CYB5R1: variants seen among roughly 807,000 people sequenced by gnomAD.
The protein encoded by CYB5R1 is cytochrome b5 reductase 1.
A neutral mutation model predicts 37.4 loss-of-function variants in CYB5R1; 32 were observed. That is an observed-to-expected ratio of 0.86 (90% CI 0.65 to 1.15). The LOEUF (loss-of-function observed/expected upper bound fraction) is 1.15. CYB5R1 is among the 50% of genes most tolerant of loss of function. The pLI is 0.00. For missense variants in CYB5R1, 345 were observed against 382.5 expected (o/e 0.90, Z 0.82); for synonymous variants, 159 against 155.2 (o/e 1.02, Z -0.18).
rs756594390 is a variant in CYB5R1, at chr1:202,963,148, G to C, written c.663C>G (p.Ile221Met). 9 of 1,613,866 alleles carry C rather than the reference G, an allele frequency of 5.6e-6. No homozygotes were observed. Among genetic ancestry groups the C allele is most frequent in the African/African-American group, 1.3e-5 (1 of 74,930 alleles). Residue 221 changes from isoleucine (I) to methionine (M), a missense_variant, in exon 8 of 9, where the codon ATC becomes ATG. By Grantham distance (10) the Ile-to-Met change is conservative. Transcript: ENST00000367249. ...GCAGTTCCTCTAAGTCCTCCCGCAA[G>C]ATGATATCCTTTTCTGTCTGAAATG... is the stretch of plus-strand genomic sequence containing the variant. ...LFANQTEKDIILREDLEELQA... is the reference protein window; with the variant it reads ...LFANQTEKDIMLREDLEELQA...
intron 3 of CYB5R1, 51 bp from the exon 4 acceptor site, chr1:202,966,044 C>T (rs1474764469): frequency 8.5e-7 from 1 of 1,179,668 alleles, no homozygotes; most frequent in Non-Finnish European, 1.3e-6. Flanking sequence ...TGTGCTGCAT[C>T]CCTCAAAATA....
intron 8 of CYB5R1, 45 bp from the exon 9 acceptor site, chr1:202,962,744 C>T (rs1179330547): frequency 5.0e-6 from 8 of 1,605,434 alleles, no homozygotes; most frequent in Non-Finnish European, 6.0e-6. Flanking sequence ...CAGATACATG[C>T]TGGCAAGGGG....
chr1:202,963,523 G>A (rs944554084), intron 7 of CYB5R1, 119 bp downstream of exon 7: 1 of 683,734 alleles, frequency 1.5e-6, no homozygotes, highest in African/African-American at 1.8e-5. Context: ...CCTTACAGAG[G>A]GGACCTTGGG....
chr1:202,966,738 C>T lies in CYB5R1; in HGVS notation c.165+11G>A, dbSNP rs1179439009. 12 of 1,613,436 alleles carry T rather than the reference C, an allele frequency of 7.4e-6. No individual in the cohort carries two copies. Among genetic ancestry groups the T allele is most frequent in the Non-Finnish European group, 9.3e-6 (11 of 1,179,636 alleles). On this transcript the variant is annotated intron_variant, in intron 2 of 8. Transcript: ENST00000367249. ...CCCTCCTTCACCCTGGCCCTTTCTT[C>T]CCCAACTTACCGTCTTGTCTAGCAG...
At chr1:202,964,394 C>A (rs1298649506) in intron 6 of CYB5R1, 1 of 573,384 alleles carries the variant, frequency 1.7e-6, no homozygotes, top group African/African-American at 1.9e-5. Context: ...GAGGAAAGCT[C>A]ATTTAATTTG....
At position 202,965,795 on chromosome 1, in the gene CYB5R1, A is replaced by G. The variant is rs1362413950; in HGVS notation, c.345+92T>C. On this transcript the variant is annotated intron_variant, in intron 4 of 8. Transcript: ENST00000367249. ...CTTTCTTCACATCCACAGAGTACAT[A>G]CCATTTCCTGCTGTCAGGCAAATCT... is the stretch of plus-strand genomic sequence containing the variant. The G allele has an allele frequency of 5.4e-6, 5 of 929,780 alleles. No homozygotes were observed. The East Asian group carries it at 9.9e-5, about 18-fold the overall frequency. 57.6% of individuals were successfully genotyped at this position (929,780 alleles called of 1,614,324 possible).
In CYB5R1 at chr1:202,965,957, C is replaced by G; in HGVS notation, c.275G>C (p.Ser92Thr). The change falls in exon 4 of 9, where the codon AGC (serine) becomes ACC (threonine). Residue 92 changes from serine to threonine, a missense_variant. Transcript: ENST00000367249. ...AGGAGTGTATGGCCTGATGACCAGG[C>G]TGCCATCAATTCGGGTGGAGAGGTA... Reference protein sequence around the residue: ...HIYLSTRIDGSLVIRPYTPVT... With the variant: ...HIYLSTRIDGTLVIRPYTPVT... 1 of 1,614,058 alleles carries G rather than the reference C, an allele frequency of 6.2e-7. No individual in the cohort carries two copies. Among genetic ancestry groups the G allele is most frequent in the Non-Finnish European group, 8.5e-7 (1 of 1,179,918 alleles).
intron 6 of CYB5R1, 160 bp downstream of exon 6, chr1:202,964,452 A>G: frequency 1.6e-6 from 1 of 643,028 alleles, no homozygotes; most frequent in Non-Finnish European, 2.8e-6. Context: ...CTACCTGCTT[A>G]TGATTTTGTT....
intron 5 of CYB5R1, 112 bp downstream of exon 5, chr1:202,965,259 C>T (rs766290857): frequency 4.5e-5 from 57 of 1,257,436 alleles, no homozygotes; most frequent in Admixed American, 8.4e-5. Flanking sequence ...GAAGGAAGGG[C>T]GGCCCTGGCC....
Position 202,963,723 on chromosome 1 carries a change from G to A in CYB5R1, c.564C>T (p.Ile188=), listed in dbSNP as rs1340338038. The change falls in exon 7 of 9, where the codon ATC becomes ATT. Residue 188 remains isoleucine, a synonymous_variant. Coordinates refer to ENST00000367249, the MANE Select transcript of CYB5R1 (RefSeq NM_016243.3). ...CCCGGATCAGCTGTAGCATTGGGGT[G>A]ATTCCTGCATGAAGATACCCCACAG... ...KLGMIAGGTG[I]TPMLQLIRAI... is the part of the protein sequence containing the mutation. 5.6e-6 allele frequency: 9 copies of A among 1,604,492 alleles called. No homozygotes were observed. The highest frequency in any genetic ancestry group is 7.7e-6 in the Non-Finnish European group (9 of 1,174,648).
Position 202,964,633 on chromosome 1 carries a change from CCA to C in CYB5R1, c.536_537del (p.Leu179ArgfsTer24). 1.2e-6 allele frequency: 2 copies of C among 1,613,542 alleles called. No individual in the cohort carries two copies. The highest frequency in any genetic ancestry group is 1.7e-6 in the Non-Finnish European group (2 of 1,179,616). On this transcript the variant is annotated frameshift_variant, in exon 6 of 9. Transcript: ENST00000367249. LOFTEE classifies it high-confidence loss of function. ...GCACCTGTCCCGCCGGCAATCATTC[CCA>C]GTTTCTTCGCCACTCGGGGTTCTGG... ...SPPEPRVAKK[L>X]GMIAGGTGIT...
At chr1:202,966,468 AG>A in intron 3 of CYB5R1, 59 bp downstream of exon 3, 1 of 1,573,114 alleles carries the variant, frequency 6.4e-7, no homozygotes, top group Non-Finnish European at 8.7e-7. Context: ...ATGAGATCCC[AG>A]GAGGGGAGTC....
In CYB5R1 at chr1:202,963,666, C is replaced by T. The variant is rs780554060; in HGVS notation, c.621G>A (p.Gln207=). ...AILKVPEDPT[Q]CFLLFANQTE... is the part of the protein sequence containing the mutation. ...CCTGGTTGGCAAAAAGCAGAAAGCA[C>T]TGGGTTGGATCTTCAGGGACTTTCA... The change falls in exon 7 of 9, where the codon CAG becomes CAA. Residue 207 remains glutamine, a synonymous_variant. Transcript: ENST00000367249. The T allele has an allele frequency of 4.3e-6, 7 of 1,609,716 alleles. No individual in the cohort carries two copies. The African/African-American group carries it at 8.0e-5, about 18-fold the overall frequency.
intron 4 of CYB5R1, 89 bp from the exon 5 acceptor site, chr1:202,965,589 G>C (rs1361555386): frequency 7.4e-7 from 1 of 1,356,292 alleles, no homozygotes; most frequent in Non-Finnish European, 1.0e-6. Flanking sequence ...GCTGGGGCAG[G>C]GATCAGATAT....
chr1:202,964,196 A>G (rs1655044146), intron 6 of CYB5R1: 1 of 189,290 alleles, frequency 5.3e-6, no homozygotes, highest in East Asian at 1.4e-4. Flanking sequence ...GTAAAAGGAA[A>G]AGGCTAGTAC....
In CYB5R1 at chr1:202,964,636, G is replaced by C; in HGVS notation, c.535C>G (p.Leu179Val). The change falls in exon 6 of 9, where the codon CTG becomes GTG. Residue 179 changes from leucine to valine, a missense_variant. Leu to Val is a conservative substitution (Grantham distance 32). Transcript: ENST00000367249. ...SPPEPRVAKK[L>V]GMIAGGTGIT... ...CCTGTCCCGCCGGCAATCATTCCCA[G>C]TTTCTTCGCCACTCGGGGTTCTGGT... is the stretch of plus-strand genomic sequence containing the variant. The C allele has an allele frequency of 6.2e-7, 1 of 1,613,656 alleles. No individual in the cohort carries two copies. Among genetic ancestry groups the C allele is most frequent in the Non-Finnish European group, 8.5e-7 (1 of 1,179,652 alleles).
At position 202,962,356 on chromosome 1, in the gene CYB5R1, G is replaced by T; in HGVS notation, c.*171C>A. On this transcript the variant is annotated 3_prime_UTR_variant, in exon 9 of 9. Coordinates refer to ENST00000367249, the MANE Select transcript of CYB5R1 (RefSeq NM_016243.3). Reference sequence around the variant, plus strand: ...CCATCCAAGGAGTGACTGAGCCTTGGCCCTCTTCCATGGCTACAGGAATAT... The same window carrying T: ...CCATCCAAGGAGTGACTGAGCCTTGTCCCTCTTCCATGGCTACAGGAATAT... The T allele has an allele frequency of 1.2e-6, 1 of 829,594 alleles. No homozygotes were observed. Among genetic ancestry groups the T allele is most frequent in the Non-Finnish European group, 1.8e-6 (1 of 544,664 alleles). The allele number at this position is 829,594 out of a possible 1,614,324, so 51.4% of individuals were successfully genotyped here.
At chr1:202,964,921 T>C in intron 5 of CYB5R1, 1 of 551,866 alleles carries the variant, frequency 1.8e-6, no homozygotes, top group South Asian at 2.1e-5. Context: ...ACACAATGTA[T>C]CAGCTGCTTC....
At chr1:202,964,884 G>C in intron 5 of CYB5R1, 189 bp from the exon 6 acceptor site, 1 of 604,288 alleles carries the variant, frequency 1.7e-6, no homozygotes. Flanking sequence ...AATGGGGCCA[G>C]GGCTATCTGT....
Sources: allele counts gnomAD v4.1 joint callset, GRCh38; gene constraint gnomAD v4.1.1; transcripts MANE v1.5; gene names NCBI Gene and HGNC (gene_info 2026-07-23, HGNC 2026-07-21).